The following NRCAM variants were observed in gnomAD, a reference collection of about 807,000 sequenced individuals.
NRCAM encodes neuronal cell adhesion molecule, also known as NgCAM-related cell adhesion molecule.
NRCAM carries 83 observed loss-of-function variants against 156.5 expected under a neutral mutation model. That is an observed-to-expected ratio of 0.53 (90% CI 0.44 to 0.64). The LOEUF (loss-of-function observed/expected upper bound fraction) is 0.64, where lower values mean the gene tolerates loss of function less well. NRCAM is among the 30% of genes least tolerant of loss of function. The probability of loss-of-function intolerance (pLI) is 0.00; values close to 1 mark genes in which losing one functional copy is unlikely to be tolerated. For synonymous variants in NRCAM, 538 were observed against 563.9 expected (o/e 0.95, Z 0.65); for missense variants, 1,417 against 1,597.3 (o/e 0.89, Z 1.92).
At chr7:108,366,646 CAA>C (rs1234953786) in intron 2 of NRCAM, among the ~76,000 whole-genome samples, 4 of 152,104 alleles carry the variant, frequency 2.6e-5, no homozygotes, top group African/African-American at 9.7e-5. Context: ...GAAAAGCATG[CAA>C]AGACTTAACA....
At chr7:108,159,376 A>T in intron 32 of NRCAM, 87 bp downstream of exon 32, 1 of 1,142,682 alleles carries the variant, frequency 8.8e-7, no homozygotes, top group Non-Finnish European at 1.3e-6. Flanking sequence ...ATGAGATGCC[A>T]GGCAGAGCAT....
chr7:108,371,050 T>C (rs1442039693), intron 2 of NRCAM, among the ~76,000 whole-genome samples: 2 of 152,168 alleles, frequency 1.3e-5, no homozygotes, highest in Non-Finnish European at 2.9e-5. Context: ...AATGACCTGC[T>C]AGCTCCTATA....
At chr7:108,183,431 A>G (rs1470334392) in intron 22 of NRCAM, among the ~76,000 whole-genome samples, 1 of 152,190 alleles carries the variant, frequency 6.6e-6, no homozygotes, top group Non-Finnish European at 1.5e-5. Flanking sequence ...GTTTTGAATT[A>G]TGAGTAAATA....
intron 9 of NRCAM, 116 bp from the exon 10 acceptor site, chr7:108,225,817 A>G (rs1236271564): frequency 6.6e-6 from 5 of 755,126 alleles, no homozygotes; most frequent in African/African-American, 5.1e-5. Flanking sequence ...GTTCCTATCA[A>G]GTAAAAACAG....
At chr7:108,162,835 T>C (rs1252891027) in intron 30 of NRCAM, among the ~76,000 whole-genome samples, 1 of 152,214 alleles carries the variant, frequency 6.6e-6, no homozygotes, top group Admixed American at 6.5e-5. Flanking sequence ...GAAATTGATA[T>C]AAAACAGAAA....
intron 8 of NRCAM, among the ~76,000 whole-genome samples, chr7:108,229,097 T>C (rs1005932762): frequency 1.3e-5 from 2 of 152,218 alleles, no homozygotes; most frequent in Non-Finnish European, 2.9e-5. Context: ...TTCCTACAGA[T>C]ACTTTTAATT....
At chr7:108,240,309 C>T (rs1175580819) in intron 3 of NRCAM, 139 bp from the exon 4 acceptor site, 1 of 337,392 alleles carries the variant, frequency 3.0e-6, no homozygotes, top group African/African-American at 2.1e-5. Context: ...ATATTTAACT[C>T]TCAAAACTGG....
chr7:108,340,781 A>G (rs2154269036), intron 2 of NRCAM, among the ~76,000 whole-genome samples: 2 of 152,342 alleles, frequency 1.3e-5, no homozygotes, highest in Admixed American at 1.3e-4. Flanking sequence ...GCCTTGAGAA[A>G]GCATACCTCT....
At chr7:108,299,130 G>GAAAA (rs1404483448) in intron 3 of NRCAM, among the ~76,000 whole-genome samples, 1 of 77,178 alleles carries the variant, frequency 1.3e-5, no homozygotes, top group Non-Finnish European at 2.7e-5. Flanking sequence ...AAGAAAGAAA[G>GAAAA]AAAGAAAGAA....
intron 2 of NRCAM, among the ~76,000 whole-genome samples, chr7:108,329,018 T>C (rs1212103532): frequency 6.6e-6 from 1 of 152,202 alleles, no homozygotes; most frequent in Non-Finnish European, 1.5e-5. Context: ...TTTTCTTTCA[T>C]GGAAGCCTAG....
rs891512538 is a variant in NRCAM, at chr7:108,231,920, C to T, written c.427+406G>A. Among the ~76,000 whole-genome samples, 3 of 152,216 alleles carry T rather than the reference C, an allele frequency of 2.0e-5. No homozygotes were observed. In the South Asian group the frequency reaches 6.2e-4, roughly 32 times the overall value. On this transcript the variant is annotated intron_variant, in intron 7 of 32. Transcript: ENST00000379028. Reference sequence around the variant, plus strand: ...ATATCAAGGTAGTGAGGACACTCCACTTCCAGTAAAATTTTGAAACAAAAA... The same window carrying T: ...ATATCAAGGTAGTGAGGACACTCCATTTCCAGTAAAATTTTGAAACAAAAA...
At chr7:108,225,815 C>G in intron 9 of NRCAM, 114 bp from the exon 10 acceptor site, 2 of 758,450 alleles carry the variant, frequency 2.6e-6, no homozygotes, top group Non-Finnish European at 4.8e-6. Context: ...CTGTTCCTAT[C>G]AAGTAAAAAC....
At chr7:108,195,502 G>C (rs1276045329) in intron 15 of NRCAM, among the ~76,000 whole-genome samples, 1 of 152,054 alleles carries the variant, frequency 6.6e-6, no homozygotes, top group Non-Finnish European at 1.5e-5. Context: ...TGTAGGCCCA[G>C]ATACTCTAGA....
chr7:108,353,889 A>G (rs1473457554), intron 2 of NRCAM, among the ~76,000 whole-genome samples: 1 of 152,264 alleles, frequency 6.6e-6, no homozygotes, highest in Non-Finnish European at 1.5e-5. Context: ...CATTGCACAG[A>G]GGAACATTGG....
intron 13 of NRCAM, chr7:108,207,293 G>A (rs941919059): frequency 5.9e-6 from 2 of 337,392 alleles, no homozygotes; most frequent in South Asian, 7.4e-5. Flanking sequence ...AAAAGCAGAC[G>A]AAATATTGCC....
intron 3 of NRCAM, among the ~76,000 whole-genome samples, chr7:108,295,110 A>G (rs559714192): frequency 4.3e-4 from 66 of 152,320 alleles, no homozygotes; most frequent in African/African-American, 1.6e-3. Flanking sequence ...CCCTCATTAA[A>G]TCTGTTGATT....
At chr7:108,250,159 C>T (rs1243068782) in intron 3 of NRCAM, among the ~76,000 whole-genome samples, 1 of 152,118 alleles carries the variant, frequency 6.6e-6, no homozygotes, top group Non-Finnish European at 1.5e-5. Context: ...TAGCTCATGC[C>T]TCTAATCCCA....
chr7:108,317,268 A>G (rs2098937873), intron 2 of NRCAM, among the ~76,000 whole-genome samples: 1 of 152,250 alleles, frequency 6.6e-6, no homozygotes, highest in Non-Finnish European at 1.5e-5. Context: ...CACTGTGAAC[A>G]TAATAGAAAC....
At chr7:108,276,362 G>A (rs913561196) in intron 3 of NRCAM, among the ~76,000 whole-genome samples, 9 of 152,154 alleles carry the variant, frequency 5.9e-5, no homozygotes, top group African/African-American at 2.2e-4. Flanking sequence ...TACTGTGTGG[G>A]AGTCTAAGTC....
Sources: gnomAD v4.1 joint callset for allele counts (sites outside exome capture counted in the v4.1 genomes callset) on GRCh38, gnomAD v4.1.1 for gene constraint, MANE v1.5 for transcripts, NCBI Gene and HGNC (gene_info 2026-07-23, HGNC 2026-07-21) for gene names.